The following PROM1 variants were observed in gnomAD, a reference collection of about 807,000 sequenced individuals.
The protein encoded by PROM1 is prominin 1, also known as prominin-1.
A neutral mutation model predicts 116.9 loss-of-function variants in PROM1; 105 were observed. The ratio of observed to expected loss-of-function variants is 0.90; its 90% CI spans 0.77 to 1.06. The LOEUF (loss-of-function observed/expected upper bound fraction) is 1.06, where lower values mean the gene tolerates loss of function less well. Among genes scored for constraint, PROM1 ranks in the 50% least tolerant of loss-of-function variants. The pLI is 0.00. For synonymous variants in PROM1, 393 were observed against 387.0 expected (o/e 1.02, Z -0.18); for missense variants, 1,122 against 1,045.2 (o/e 1.07, Z -1.01).
At chr4:16,078,716 C>A (rs1744448739) in intron 1 of PROM1, among the ~76,000 whole-genome samples, 1 of 152,202 alleles carries the variant, frequency 6.6e-6, no homozygotes, top group African/African-American at 2.4e-5. Flanking sequence ...AGGTGACATA[C>A]TTTGCAAGAA....
At chr4:15,999,536 A>G (rs937692098) in intron 14 of PROM1, among the ~76,000 whole-genome samples, 4 of 152,186 alleles carry the variant, frequency 2.6e-5, no homozygotes, top group African/African-American at 9.7e-5. Flanking sequence ...GGGCAAATCA[A>G]TGCATGACTG....
At chr4:15,988,793 CA>C (rs3839176) in intron 19 of PROM1, among the ~76,000 whole-genome samples, 47,588 of 151,934 alleles carry the variant, frequency 0.31, 8,109 homozygotes, top group Non-Finnish European at 0.39. Flanking sequence ...GCACTGGACA[CA>C]AATTAAGAAA....
At chr4:15,989,156 C>G (rs924280608) in intron 19 of PROM1, among the ~76,000 whole-genome samples, 1 of 152,102 alleles carries the variant, frequency 6.6e-6, no homozygotes, top group East Asian at 1.9e-4. Context: ...TGAGAAGCTA[C>G]AATAGTTTGG....
At chr4:16,078,866 A>C (rs559400988) in intron 1 of PROM1, among the ~76,000 whole-genome samples, 6 of 152,106 alleles carry the variant, frequency 3.9e-5, no homozygotes, top group African/African-American at 1.4e-4. Context: ...TCCCACTCCA[A>C]TTACTCCTGC....
At chr4:15,977,337 G>T (rs1716414005) in intron 26 of PROM1, among the ~76,000 whole-genome samples, 1 of 152,126 alleles carries the variant, frequency 6.6e-6, no homozygotes, top group Non-Finnish European at 1.5e-5. Context: ...CGATGTTAGG[G>T]CAACATAGGT....
chr4:16,015,345 C>CAAAAAAAA (rs71649934), intron 10 of PROM1, among the ~76,000 whole-genome samples: 7 of 51,530 alleles, frequency 1.4e-4, no homozygotes, highest in East Asian at 1.2e-3. Context: ...GACTCCATCT[C>CAAAAAAAA]AAAAAAAAAA....
intron 2 of PROM1, among the ~76,000 whole-genome samples, chr4:16,070,697 G>A (rs1742605854): frequency 6.6e-6 from 1 of 152,208 alleles, no homozygotes; most frequent in African/African-American, 2.4e-5. Flanking sequence ...TATTTTTGCA[G>A]AGAAGCAAAG....
intron 2 of PROM1, among the ~76,000 whole-genome samples, chr4:16,059,753 C>CAT (rs1739881281): frequency 6.6e-6 from 1 of 151,942 alleles, no homozygotes; most frequent in Admixed American, 6.5e-5. Context: ...GAGTTTACCC[C>CAT]ATATATATAC....
At chr4:16,020,971 G>A (rs1242287774) in intron 8 of PROM1, among the ~76,000 whole-genome samples, 1 of 152,014 alleles carries the variant, frequency 6.6e-6, no homozygotes, top group Non-Finnish European at 1.5e-5. Context: ...CATTTTGCCA[G>A]CCCATAGTAT....
chr4:16,018,583 CT>C (rs1729027162), intron 8 of PROM1, 43 bp from the exon 9 acceptor site: 9 of 1,531,776 alleles, frequency 5.9e-6, no homozygotes, highest in Non-Finnish European at 8.0e-6. Context: ...TGCCAAGTCC[CT>C]CCTCATCTAC....
chr4:16,009,244 T>C (rs1361057803), intron 11 of PROM1, 136 bp from the exon 12 acceptor site: 3 of 714,994 alleles, frequency 4.2e-6, no homozygotes, highest in Non-Finnish European at 6.9e-6. Context: ...ATGGTAAGAT[T>C]CTTCAACAAG....
At chr4:16,053,329 T>G (rs148559092) in intron 2 of PROM1, among the ~76,000 whole-genome samples, 103 of 152,356 alleles carry the variant, frequency 6.8e-4, no homozygotes, top group African/African-American at 2.4e-3. Context: ...ACTTTCCCTT[T>G]TCCAAACTCC....
intron 2 of PROM1, among the ~76,000 whole-genome samples, chr4:16,054,662 G>A (rs1242289766): frequency 2.0e-5 from 3 of 152,072 alleles, no homozygotes; most frequent in Non-Finnish European, 4.4e-5. Flanking sequence ...GAAAATCTTA[G>A]CAAGATGCCC....
chr4:16,049,206 T>C (rs919141221), intron 2 of PROM1, among the ~76,000 whole-genome samples: 1 of 152,236 alleles, frequency 6.6e-6, no homozygotes, highest in Non-Finnish European at 1.5e-5. Context: ...TTGTCCCTGC[T>C]GTTCCTGGGG....
At chr4:16,009,203 G>T in intron 11 of PROM1, 95 bp from the exon 12 acceptor site, 1 of 1,043,406 alleles carries the variant, frequency 9.6e-7, no homozygotes, top group Non-Finnish European at 1.4e-6. Context: ...ACCACCTTTA[G>T]TTTTTCTCAT....
chr4:16,058,661 A>T (rs1306321155), intron 2 of PROM1, among the ~76,000 whole-genome samples: 1 of 152,120 alleles, frequency 6.6e-6, no homozygotes, highest in Admixed American at 6.6e-5. Flanking sequence ...AAAAAAAAAA[A>T]AAAATGAGAA....
At chr4:16,042,832 A>G (rs1279408505) in intron 2 of PROM1, among the ~76,000 whole-genome samples, 1 of 152,182 alleles carries the variant, frequency 6.6e-6, no homozygotes, top group African/African-American at 2.4e-5. Context: ...CGTTCACCCT[A>G]TACATCAACG....
At chr4:16,049,014 T>A (rs1326862915) in intron 2 of PROM1, among the ~76,000 whole-genome samples, 2 of 152,176 alleles carry the variant, frequency 1.3e-5, no homozygotes, top group African/African-American at 4.8e-5. Context: ...GCCACCCTGA[T>A]GATGGGGCGG....
At chr4:16,006,443 C>A in intron 13 of PROM1, 95 bp downstream of exon 13, 3 of 1,404,430 alleles carry the variant, frequency 2.1e-6, no homozygotes. Context: ...GCGTACGTGG[C>A]CCAGAGGGCG....
Sources: allele counts gnomAD v4.1 joint callset (sites outside exome capture counted in the v4.1 genomes callset), GRCh38; gene constraint gnomAD v4.1.1; transcripts MANE v1.5; gene names NCBI Gene and HGNC (gene_info 2026-07-23, HGNC 2026-07-21).